The following PCBP3 variants were observed in gnomAD, a reference collection of about 807,000 sequenced individuals.
The protein encoded by PCBP3 is poly(rC) binding protein 3.
PCBP3 carries 25 observed loss-of-function variants against 52.7 expected under a neutral mutation model. That is an observed-to-expected ratio of 0.47 (90% CI 0.35 to 0.66). The LOEUF is 0.66. Ranked by LOEUF, PCBP3 falls within the 30% of genes least tolerant of loss-of-function variation. The pLI is 0.01. For synonymous variants in PCBP3, 162 were observed against 183.0 expected (o/e 0.89, Z 0.93); for missense variants, 391 against 490.3 (o/e 0.80, Z 1.91).
At chr21:45,910,422 C>G (rs1261422932) in intron 10 of PCBP3, among the ~76,000 whole-genome samples, 1 of 151,960 alleles carries the variant, frequency 6.6e-6, no homozygotes, top group South Asian at 2.1e-4. Flanking sequence ...AGCCATCGGC[C>G]TGTCCCAGTG....
chr21:45,824,177 A>G (rs893827106), intron 4 of PCBP3, among the ~76,000 whole-genome samples: 3 of 151,948 alleles, frequency 2.0e-5, no homozygotes, highest in African/African-American at 7.3e-5. Flanking sequence ...TGAGCCCCTC[A>G]CTCTGCCTCC....
intron 3 of PCBP3, among the ~76,000 whole-genome samples, chr21:45,745,971 A>C (rs2146178143): frequency 6.7e-6 from 1 of 148,260 alleles, no homozygotes; most frequent in East Asian, 2.0e-4. Flanking sequence ...TCGCTGTGTC[A>C]GTCCATTGAC....
At chr21:45,743,321 C>T (rs1327157368) in intron 3 of PCBP3, among the ~76,000 whole-genome samples, 1 of 152,200 alleles carries the variant, frequency 6.6e-6, no homozygotes, top group African/African-American at 2.4e-5. Context: ...CTTGACCCAA[C>T]ATTCACCATG....
intron 9 of PCBP3, among the ~76,000 whole-genome samples, chr21:45,908,584 T>A (rs1262202299): frequency 6.6e-6 from 1 of 152,164 alleles, no homozygotes; most frequent in Non-Finnish European, 1.5e-5. Context: ...GGTGCTGCCC[T>A]GTCACTGCCT....
At chr21:45,885,291 TGTCCC>T (rs1393177277) in intron 5 of PCBP3, among the ~76,000 whole-genome samples, 8 of 152,194 alleles carry the variant, frequency 5.3e-5, no homozygotes, top group Non-Finnish European at 1.2e-4. Context: ...CATGGGGTCA[TGTCCC>T]TCTTGCTGCT....
chr21:45,789,638 G>A (rs896480861), intron 4 of PCBP3, among the ~76,000 whole-genome samples: 4 of 152,232 alleles, frequency 2.6e-5, no homozygotes, highest in Admixed American at 6.5e-5. Context: ...AGCAGAGCGA[G>A]CAAGGGAGAG....
intron 4 of PCBP3, among the ~76,000 whole-genome samples, chr21:45,776,470 T>TTCTCTC: frequency 6.8e-6 from 1 of 146,878 alleles, no homozygotes; most frequent in Non-Finnish European, 1.5e-5. Context: ...GAGTCTCTCT[T>TTCTCTC]TCTCTCTCTC....
chr21:45,808,110 G>A (rs1404450758), intron 4 of PCBP3, among the ~76,000 whole-genome samples: 1 of 152,114 alleles, frequency 6.6e-6, no homozygotes, highest in Non-Finnish European at 1.5e-5. Context: ...GAAAACCTAG[G>A]CAATACCATT....
chr21:45,688,987 A>G (rs1035227526), intron 2 of PCBP3, among the ~76,000 whole-genome samples: 1 of 152,080 alleles, frequency 6.6e-6, no homozygotes, highest in South Asian at 2.1e-4. Context: ...TGAGGCCCAG[A>G]CGAATTCTAT....
intron 4 of PCBP3, among the ~76,000 whole-genome samples, chr21:45,770,055 G>A (rs965296196): frequency 5.9e-5 from 9 of 152,200 alleles, no homozygotes; most frequent in African/African-American, 1.9e-4. Context: ...CATGGTGAAC[G>A]CCGGGGGGTT....
intron 1 of PCBP3, among the ~76,000 whole-genome samples, chr21:45,651,908 A>G (rs2079709581): frequency 6.6e-6 from 1 of 152,186 alleles, no homozygotes; most frequent in South Asian, 2.1e-4. Flanking sequence ...TTGAGCATCT[A>G]GGTTCCTGTT....
intron 2 of PCBP3, among the ~76,000 whole-genome samples, chr21:45,709,148 T>C (rs1012120059): frequency 6.6e-6 from 1 of 152,244 alleles, no homozygotes; most frequent in Non-Finnish European, 1.5e-5. Flanking sequence ...GTGCCTGGCA[T>C]GCTGTAAGTT....
At chr21:45,911,898 C>A (rs2096402114) in intron 11 of PCBP3, among the ~76,000 whole-genome samples, 1 of 152,250 alleles carries the variant, frequency 6.6e-6, no homozygotes, top group Non-Finnish European at 1.5e-5. Flanking sequence ...GTTCTGAAAT[C>A]TTCCCCACTC....
At chr21:45,849,107 A>G (rs2093892106) in intron 4 of PCBP3, among the ~76,000 whole-genome samples, 2 of 151,896 alleles carry the variant, frequency 1.3e-5, no homozygotes, top group South Asian at 4.2e-4. Flanking sequence ...GTGTCTTCTT[A>G]TGCCTTGCTA....
intron 4 of PCBP3, among the ~76,000 whole-genome samples, chr21:45,789,853 C>T (rs950021264): frequency 6.6e-6 from 1 of 152,136 alleles, no homozygotes; most frequent in African/African-American, 2.4e-5. Context: ...AGAGAATAGT[C>T]TCTCGGCCGG....
chr21:45,739,157 T>G (rs1433865088), intron 3 of PCBP3, among the ~76,000 whole-genome samples: 8 of 82,164 alleles, frequency 9.7e-5, no homozygotes, highest in East Asian at 4.3e-4. Flanking sequence ...TCCTGTCCAT[T>G]GTCCTCTGGG....
At chr21:45,701,941 T>C (rs867004039) in intron 2 of PCBP3, among the ~76,000 whole-genome samples, 14 of 152,358 alleles carry the variant, frequency 9.2e-5, no homozygotes, top group South Asian at 6.2e-4. Context: ...AACTCTTTAA[T>C]GTCAGAATTA....
chr21:45,836,368 C>T (rs907859530), intron 4 of PCBP3: 2 of 152,300 alleles, frequency 1.3e-5, no homozygotes, highest in African/African-American at 2.4e-5. Flanking sequence ...CCTTTCCTGG[C>T]ATCTGGAATG....
chr21:45,765,942 T>C (rs2838994), intron 4 of PCBP3, among the ~76,000 whole-genome samples: 30,647 of 152,184 alleles, frequency 0.2, 3,322 homozygotes, highest in Middle Eastern at 0.35. Flanking sequence ...AGAAGTCTCC[T>C]GGAGCCTGGA....
Sources: gnomAD v4.1 joint callset for allele counts (sites outside exome capture counted in the v4.1 genomes callset) on GRCh38, gnomAD v4.1.1 for gene constraint, MANE v1.5 for transcripts, NCBI Gene and HGNC (gene_info 2026-07-23, HGNC 2026-07-21) for gene names.